Variants in SMOC2 observed in about 807,000 individuals in gnomAD.
SMOC2 encodes SPARC related modular calcium binding 2.
Under a neutral mutation model 61.4 loss-of-function variants are expected in SMOC2, and 39 were observed. The observed-to-expected ratio is 0.64, with a 90% CI of 0.49 to 0.83. The LOEUF is 0.83. Among genes scored for constraint, SMOC2 ranks in the 40% least tolerant of loss-of-function variants. The pLI is 0.00. For missense variants in SMOC2, 556 were observed against 592.9 expected, an observed-to-expected ratio of 0.94 and a Z score of 0.65; for synonymous variants, 247 against 239.9, an observed-to-expected ratio of 1.03 and a Z score of -0.27.
At chr6:168,626,816 T>A (rs1786423856) in intron 9 of SMOC2, among the ~76,000 whole-genome samples, 1 of 152,142 alleles carries the variant, frequency 6.6e-6, no homozygotes, top group African/African-American at 2.4e-5. Context: ...CTGAAGGAGA[T>A]GTTGGGCTAC....
At chr6:168,581,888 G>A (rs942530231) in intron 7 of SMOC2, among the ~76,000 whole-genome samples, 1 of 152,084 alleles carries the variant, frequency 6.6e-6, no homozygotes, top group African/African-American at 2.4e-5. Flanking sequence ...TGACTTCAGC[G>A]TCTCCTTCAG....
At chr6:168,636,881 T>TG (rs1786743643) in intron 9 of SMOC2, among the ~76,000 whole-genome samples, 1 of 22,228 alleles carries the variant, frequency 4.5e-5, no homozygotes, top group Non-Finnish European at 8.5e-5. Context: ...TCCTCCCGCC[T>TG]CCCTCCTCCC....
chr6:168,577,025 G>C (rs2115152006), intron 7 of SMOC2, among the ~76,000 whole-genome samples: 1 of 152,296 alleles, frequency 6.6e-6, no homozygotes, highest in African/African-American at 2.4e-5. Flanking sequence ...GGTGACACTT[G>C]CTGTTTTGAA....
At chr6:168,465,988 G>A (rs1340081974) in intron 1 of SMOC2, among the ~76,000 whole-genome samples, 1 of 104,826 alleles carries the variant, frequency 9.5e-6, no homozygotes, top group African/African-American at 3.9e-5. Flanking sequence ...TGGATGAAGC[G>A]ACGTGCTGCT....
In SMOC2 at chr6:168,607,746, C is replaced by T. The variant is rs560056081; in HGVS notation, c.825-411C>T. Among the ~76,000 whole-genome samples the T allele has an allele frequency of 2.6e-5, 4 of 152,330 alleles. No individual in the cohort carries two copies. In the East Asian group the frequency reaches 7.7e-4, roughly 29 times the overall value. ...GTCACACCCTCTGTCCTCGTGCACA[C>T]ACTCCTGCTCTGACGAAACAACCCA... On this transcript the variant is annotated intron_variant, in intron 8 of 12. Coordinates refer to ENST00000356284, the MANE Select transcript of SMOC2 (RefSeq NM_001166412.2).
At chr6:168,546,738 CTTT>C (rs146377833) in intron 5 of SMOC2, among the ~76,000 whole-genome samples, 1,777 of 152,346 alleles carry the variant, frequency 0.012, 31 homozygotes, top group African/African-American at 0.04. Flanking sequence ...GCCAAGCCCT[CTTT>C]TGTAACCTCC....
At chr6:168,515,707 C>T (rs536732240) in intron 2 of SMOC2, among the ~76,000 whole-genome samples, 29 of 149,432 alleles carry the variant, frequency 1.9e-4, no homozygotes, top group Non-Finnish European at 3.6e-4. Flanking sequence ...AGCATCCAGC[C>T]TGTCCCACTG....
chr6:168,466,221 T>G (rs1781829388), intron 1 of SMOC2, among the ~76,000 whole-genome samples: 2 of 149,382 alleles, frequency 1.3e-5, no homozygotes, highest in Non-Finnish European at 3.0e-5. Flanking sequence ...GAAGCACTGC[T>G]TTGAAAGCTG....
At chr6:168,546,935 A>C (rs1213150320) in intron 5 of SMOC2, 184 bp from the exon 6 acceptor site, 1 of 727,722 alleles carries the variant, frequency 1.4e-6, no homozygotes, top group Non-Finnish European at 2.5e-6. Context: ...CGGCTCACTC[A>C]AGACTGGTAT....
intron 9 of SMOC2, among the ~76,000 whole-genome samples, chr6:168,624,936 GACAC>G (rs973175076): frequency 1.3e-5 from 2 of 151,196 alleles, no homozygotes; most frequent in African/African-American, 4.9e-5. Flanking sequence ...CCCACACACA[GACAC>G]ACAAACACAT....
chr6:168,565,937 G>A (rs150928775), intron 7 of SMOC2, among the ~76,000 whole-genome samples: 59 of 152,304 alleles, frequency 3.9e-4, no homozygotes, highest in African/African-American at 1.4e-3. Flanking sequence ...TTCTCCCAGT[G>A]TGTCAAATAC....
chr6:168,515,439 A>T (rs928570940), intron 2 of SMOC2, among the ~76,000 whole-genome samples: 84 of 105,608 alleles, frequency 8.0e-4, no homozygotes, highest in African/African-American at 2.5e-3. Context: ...CTGGGCTCGG[A>T]GAGGCTCCGT....
chr6:168,555,380 C>T (rs1433301668), intron 7 of SMOC2, among the ~76,000 whole-genome samples: 26 of 151,970 alleles, frequency 1.7e-4, no homozygotes, highest in Admixed American at 1.7e-3. Context: ...AGCAGAGTGA[C>T]GAGGAAGACG....
intron 1 of SMOC2, among the ~76,000 whole-genome samples, chr6:168,503,158 A>G (rs954236645): frequency 7.3e-6 from 1 of 136,724 alleles, no homozygotes; most frequent in African/African-American, 2.8e-5. Flanking sequence ...TGCTCACTGC[A>G]ACCTCCGCCT....
intron 2 of SMOC2, among the ~76,000 whole-genome samples, chr6:168,518,303 TGA>T (rs1436745673): frequency 4.0e-5 from 6 of 150,306 alleles, no homozygotes; most frequent in South Asian, 4.3e-4. Context: ...TGTGAATGTG[TGA>T]GAGGGCGTTT....
chr6:168,660,395 A>G (rs1787477964), intron 11 of SMOC2, among the ~76,000 whole-genome samples: 1 of 152,214 alleles, frequency 6.6e-6, no homozygotes, highest in African/African-American at 2.4e-5. Context: ...CTGGTGTTGA[A>G]GGATACATGG....
chr6:168,482,226 A>G (rs1328054407), intron 1 of SMOC2, among the ~76,000 whole-genome samples: 2 of 151,944 alleles, frequency 1.3e-5, no homozygotes, highest in African/African-American at 4.8e-5. Context: ...AAAGAAAGAA[A>G]TAAAAGTGGG....
intron 9 of SMOC2, among the ~76,000 whole-genome samples, chr6:168,612,748 G>A (rs1190192894): frequency 2.6e-5 from 4 of 152,184 alleles, no homozygotes; most frequent in African/African-American, 9.7e-5. Context: ...CCCTCGGCGC[G>A]GCAATGCAAG....
chr6:168,563,698 G>A (rs1583113707), intron 7 of SMOC2, among the ~76,000 whole-genome samples: 1 of 152,256 alleles, frequency 6.6e-6, no homozygotes, highest in South Asian at 2.1e-4. Flanking sequence ...CCAAGAAGGC[G>A]CCATCTGTGA....
Sources: gnomAD v4.1 joint callset for allele counts (sites outside exome capture counted in the v4.1 genomes callset) on GRCh38, gnomAD v4.1.1 for gene constraint, MANE v1.5 for transcripts, NCBI Gene and HGNC (gene_info 2026-07-23, HGNC 2026-07-21) for gene names.